MCUR1: variants seen among roughly 807,000 people sequenced by gnomAD.
MCUR1 encodes the protein MCU regulator 1.
Under a neutral mutation model 42.0 loss-of-function variants are expected in MCUR1, and 37 were observed. The observed-to-expected ratio is 0.88, with a 90% CI of 0.68 to 1.16. The LOEUF is 1.16. Ranked by LOEUF, MCUR1 falls within the 50% of genes most tolerant of loss-of-function variation. The pLI is 0.00. For missense variants in MCUR1, 469 were observed against 468.4 expected, an observed-to-expected ratio of 1.00 and a Z score of -0.01; for synonymous variants, 229 against 196.2, an observed-to-expected ratio of 1.17 and a Z score of -1.40.
chr6:13,807,562 T>C (rs1042516106), intron 1 of MCUR1, among the ~76,000 whole-genome samples: 3 of 152,262 alleles, frequency 2.0e-5, no homozygotes, highest in East Asian at 1.9e-4. Flanking sequence ...CATTTACTAG[T>C]TGAAGGATGC....
At chr6:13,804,935 A>T (rs894728225) in intron 2 of MCUR1, among the ~76,000 whole-genome samples, 41 of 152,100 alleles carry the variant, frequency 2.7e-4, no homozygotes, top group African/African-American at 9.9e-4. Flanking sequence ...ACCTGAAGAC[A>T]CAGGTCTGGA....
intron 1 of MCUR1, among the ~76,000 whole-genome samples, 153 bp downstream of exon 1, chr6:13,813,862 C>T (rs1760294929): frequency 6.6e-6 from 1 of 152,202 alleles, no homozygotes; most frequent in African/African-American, 2.4e-5. Context: ...GGGCCCGGAC[C>T]TTCGACCCAC....
In MCUR1 at chr6:13,801,287, C is replaced by T; in HGVS notation, c.741+1G>A. On this transcript the variant is annotated splice_donor_variant, in intron 4 of 8. Transcript: ENST00000379170. LOFTEE classifies it high-confidence loss of function. ...TCTAAGTGTGAGAGGCTCTGTTTTA[C>T]CTCATTTTCTGCTCTGAGGGCTGAA... 2 of 1,599,208 alleles carry T rather than the reference C, an allele frequency of 1.3e-6. No homozygotes were observed. The highest frequency in any genetic ancestry group is 8.6e-7 in the Non-Finnish European group (1 of 1,167,684).
In MCUR1 at chr6:13,790,778, AC is replaced by A; in HGVS notation, c.*30del. 6.3e-7 allele frequency: 1 copy of A among 1,579,590 alleles called. No homozygotes were observed. The highest frequency in any genetic ancestry group is 8.7e-7 in the Non-Finnish European group (1 of 1,152,492). On this transcript the variant is annotated 3_prime_UTR_variant, in exon 9 of 9. Coordinates refer to ENST00000379170, the MANE Select transcript of MCUR1 (RefSeq NM_001031713.4). ...AACAATCTGGTATTCTTAAGGCAAA[AC>A]AGTAGAAATCACTTTAAATAGACAC...
Position 13,798,910 on chromosome 6 carries a change from A to C in MCUR1, c.784-6T>G. 2.0e-6 allele frequency: 3 copies of C among 1,519,914 alleles called. No homozygotes were observed. The highest frequency in any genetic ancestry group is 2.7e-6 in the Non-Finnish European group (3 of 1,095,526). The allele number at this position is 1,519,914 out of a possible 1,614,324, so 94.2% of individuals were successfully genotyped here. A position where few individuals can be genotyped will look rare whatever the true frequency, so the allele number is the denominator to read the frequency against. On this transcript the variant is annotated splice_polypyrimidine_tract_variant and splice_region_variant and intron_variant, in intron 5 of 8. Transcript: ENST00000379170. Reference sequence around the variant, plus strand: ...CGGACTTTGATCACTTCATCCTAAAAGGAGGGCAAACAACAAAGAAGGAAA... The same window carrying C: ...CGGACTTTGATCACTTCATCCTAAACGGAGGGCAAACAACAAAGAAGGAAA...
At chr6:13,793,004 T>C (rs892121351) in intron 7 of MCUR1, among the ~76,000 whole-genome samples, 1 of 150,964 alleles carries the variant, frequency 6.6e-6, no homozygotes, top group African/African-American at 2.4e-5. Context: ...AACTCTCAAG[T>C]AGGGCATGGT....
chr6:13,787,044 C>G lies in MCUR1; in HGVS notation c.*3765G>C, dbSNP rs2113444519. On this transcript the variant is annotated 3_prime_UTR_variant, in exon 9 of 9. Transcript: ENST00000379170. ...TCTAGATATGAATTCTATATACCAT[C>G]TCTATATTTGTTTAGAATTTTGCAA... 6.6e-6 allele frequency: 1 copy of G among 152,258 alleles called. No individual in the cohort carries two copies. Among genetic ancestry groups the G allele is most frequent in the South Asian group, 2.1e-4 (1 of 4,826 alleles). The allele number at this position is 152,258 out of a possible 1,614,324, so 9.4% of individuals were successfully genotyped here.
In MCUR1 at chr6:13,800,024, G is replaced by T. The variant is rs1187624122; in HGVS notation, c.783+317C>A. 2.0e-5 allele frequency among the ~76,000 whole-genome samples: 3 copies of T among 151,726 alleles called. No individual in the cohort carries two copies. In the East Asian group the frequency reaches 5.8e-4, roughly 29 times the overall value. Reference sequence around the variant, plus strand: ...TTTTTGTATTTTTAGTAGAGACAGGGTTTCACTATGTTGGCCAAGCTGGTC... The same window carrying T: ...TTTTTGTATTTTTAGTAGAGACAGGTTTTCACTATGTTGGCCAAGCTGGTC... On this transcript the variant is annotated intron_variant, in intron 5 of 8. Coordinates refer to ENST00000379170, the MANE Select transcript of MCUR1 (RefSeq NM_001031713.4).
At position 13,814,240 on chromosome 6, in the gene MCUR1, A is replaced by G; in HGVS notation, c.190T>C (p.Ser64Pro). 6.8e-7 allele frequency: 1 copy of G among 1,470,358 alleles called. No homozygotes were observed. The highest frequency in any genetic ancestry group is 8.9e-7 in the Non-Finnish European group (1 of 1,118,474). The allele number at this position is 1,470,358 out of a possible 1,614,324, so 91.1% of individuals were successfully genotyped here. Residue 64 changes from serine to proline, a missense_variant, in exon 1 of 9, where the codon TCA becomes CCA. Coordinates refer to ENST00000379170, the MANE Select transcript of MCUR1 (RefSeq NM_001031713.4). ...PRAPAARGGVSRASPLLLLLL... is the reference protein window; with the variant it reads ...PRAPAARGGVPRASPLLLLLL... ...AGGAGGAGCAGCGGTGAGGCACGTG[A>G]CACGCCGCCGCGGGCCGCCGGGGCG...
At chr6:13,802,481 C>T (rs1195428517) in intron 2 of MCUR1, 135 bp from the exon 3 acceptor site, 5 of 613,048 alleles carry the variant, frequency 8.2e-6, no homozygotes, top group African/African-American at 7.3e-5. Context: ...GAGGAGGGTA[C>T]AGCCACAAAC....
chr6:13,813,937 G>C (rs977878372), intron 1 of MCUR1, 78 bp downstream of exon 1: 6 of 1,213,044 alleles, frequency 4.9e-6, no homozygotes, highest in Non-Finnish European at 6.2e-6. Flanking sequence ...TTTCCTCGGG[G>C]AGGCTGTAGC....
chr6:13,801,882 A>G (rs925136997), intron 3 of MCUR1, among the ~76,000 whole-genome samples: 2 of 152,136 alleles, frequency 1.3e-5, no homozygotes, highest in Non-Finnish European at 2.9e-5. Context: ...ACAAAAAAAC[A>G]AAAACCACAT....
At chr6:13,808,595 C>T (rs190749246) in intron 1 of MCUR1, among the ~76,000 whole-genome samples, 1 of 152,258 alleles carries the variant, frequency 6.6e-6, no homozygotes, top group East Asian at 1.9e-4. Context: ...CTAGGTAATC[C>T]AAGTACATGA....
intron 3 of MCUR1, among the ~76,000 whole-genome samples, chr6:13,801,593 T>TA (rs1759991584): frequency 6.6e-6 from 1 of 152,138 alleles, no homozygotes; most frequent in South Asian, 2.1e-4. Flanking sequence ...CTCACACCTG[T>TA]AATCCCAATA....
intron 2 of MCUR1, among the ~76,000 whole-genome samples, chr6:13,803,147 C>T (rs1760029658): frequency 6.6e-6 from 1 of 152,140 alleles, no homozygotes; most frequent in South Asian, 2.1e-4. Flanking sequence ...CAGCAACCTC[C>T]ACCTCCCGGG....
At chr6:13,801,459 G>T in intron 3 of MCUR1, 70 bp from the exon 4 acceptor site, 1 of 1,036,496 alleles carries the variant, frequency 9.6e-7, no homozygotes, top group African/African-American at 1.6e-5. Context: ...ATCTCAATGT[G>T]CTATCTTCTT....
chr6:13,802,067 A>G (rs2113467890), intron 3 of MCUR1, among the ~76,000 whole-genome samples, 176 bp downstream of exon 3: 1 of 152,314 alleles, frequency 6.6e-6, no homozygotes, highest in Non-Finnish European at 1.5e-5. Flanking sequence ...ACTGTTGACT[A>G]AATAGTTCTG....
chr6:13,788,463 C>G lies in MCUR1; in HGVS notation c.*2346G>C, dbSNP rs193253444. On this transcript the variant is annotated 3_prime_UTR_variant, in exon 9 of 9. Coordinates refer to ENST00000379170, the MANE Select transcript of MCUR1 (RefSeq NM_001031713.4). ...AATTAAGTGCCAGAATGATGCAGCC[C>G]GCTCTCACCAGGAAGAACGACATGT... 2 of 152,068 alleles carry G rather than the reference C, an allele frequency of 1.3e-5. No individual in the cohort carries two copies. The highest frequency in any genetic ancestry group is 2.9e-5 in the Non-Finnish European group (2 of 68,028). The allele number at this position is 152,068 out of a possible 1,614,324, so 9.4% of individuals were successfully genotyped here. A position where few individuals can be genotyped will look rare whatever the true frequency, so the allele number is the denominator to read the frequency against.
chr6:13,793,947 A>G lies in MCUR1; in HGVS notation c.856T>C (p.Tyr286His). 6.2e-7 allele frequency: 1 copy of G among 1,613,432 alleles called. No homozygotes were observed. Among genetic ancestry groups the G allele is most frequent in the South Asian group, 1.1e-5 (1 of 91,078 alleles). Residue 286 changes from tyrosine to histidine, a missense_variant and splice_region_variant, in exon 7 of 9, where the codon TAT becomes CAT. By Grantham distance (83) the Tyr-to-His change is moderately conservative. Coordinates refer to ENST00000379170, the MANE Select transcript of MCUR1 (RefSeq NM_001031713.4). ...NLEKSRVKELYSLNEKKLLEL... is the reference protein window; with the variant it reads ...NLEKSRVKELHSLNEKKLLEL... ...AGCAGCTTCTTTTCGTTCAATGAAT[A>G]CTGAAATAAACACGTAACATGGGTC...
Sources: allele counts gnomAD v4.1 joint callset (sites outside exome capture counted in the v4.1 genomes callset), GRCh38; gene constraint gnomAD v4.1.1; transcripts MANE v1.5; gene names NCBI Gene and HGNC (gene_info 2026-07-23, HGNC 2026-07-21).